The following TULP2 variants were observed in gnomAD, a reference collection of about 807,000 sequenced individuals.
TULP2 encodes the protein tubby-related protein 2.
Under a neutral mutation model 60.3 loss-of-function variants are expected in TULP2, and 64 were observed. That is an observed-to-expected ratio of 1.06 (90% CI 0.87 to 1.31). The LOEUF is 1.31. TULP2 is among the 50% of genes most tolerant of loss of function. TULP2 has a pLI of 0.00. For missense variants in TULP2, 652 were observed against 667.0 expected (o/e 0.98, Z 0.25); for synonymous variants, 267 against 265.4 (o/e 1.01, Z -0.06).
rs1347143407 is a variant in TULP2 at position 48,897,569 on chromosome 19, C to T, written c.33-173G>A. ...CCAGTTATAGGGCCCTTTCTCCTGG[C>T]ACTGGCCCACAGAAGCCGGGACCCA... On this transcript the variant is annotated intron_variant, in intron 2 of 12. Transcript: ENST00000221399. The surrounding 1 kb of genome is among the most constrained non-coding windows in gnomAD (Gnocchi z 4.0). The T allele has an allele frequency of 1.4e-6, 1 of 712,382 alleles. No individual in the cohort carries two copies. Among genetic ancestry groups the T allele is most frequent in the East Asian group, 2.7e-5 (1 of 36,958 alleles). 44.1% of individuals were successfully genotyped at this position (712,382 alleles called of 1,614,324 possible).
In TULP2 at chr19:48,892,519, G is replaced by C. The variant is rs149252614; in HGVS notation, c.514+2479C>G. On this transcript the variant is annotated intron_variant, in intron 6 of 12. Coordinates refer to ENST00000221399, the MANE Select transcript of TULP2 (RefSeq NM_003323.3). ...AACAGTTTTTCTTTTTTTTTTTGGG[G>C]GGGGGACGGAGTCTTGCTCTGTCAC... Among the ~76,000 whole-genome samples, 873 of 150,692 alleles carry C rather than the reference G, an allele frequency of 5.8e-3. 10 individuals are homozygous for C. Among genetic ancestry groups the C allele is most frequent in the African/African-American group, 0.021 (848 of 41,030 alleles).
intron 6 of TULP2, among the ~76,000 whole-genome samples, chr19:48,891,040 C>T (rs563707081): frequency 6.6e-6 from 1 of 151,918 alleles, no homozygotes; most frequent in South Asian, 2.1e-4. Context: ...TATGGCCGGG[C>T]ACGGTGGCTC....
At chr19:48,893,105 C>T (rs529860540) in intron 6 of TULP2, among the ~76,000 whole-genome samples, 1 of 152,148 alleles carries the variant, frequency 6.6e-6, no homozygotes, top group East Asian at 1.9e-4. Context: ...TGCATTAGCT[C>T]ACGCCTGTAA....
intron 6 of TULP2, among the ~76,000 whole-genome samples, chr19:48,894,037 T>C (rs555353601): frequency 8.6e-4 from 130 of 150,292 alleles, no homozygotes; most frequent in Non-Finnish European, 1.4e-3. Context: ...ACAGAACCAA[T>C]TTTTTTTTTC....
chr19:48,889,510 C>CT lies in TULP2; in HGVS notation c.635dup (p.Glu213GlyfsTer12), dbSNP rs760093197. On this transcript the variant is annotated frameshift_variant and splice_region_variant, in exon 7 of 13. Transcript: ENST00000221399. LOFTEE classifies it high-confidence loss of function. ...CCTGAGTGATTGTGCATTTTCCTAC[C>CT]TTTTGGAAGGCCAAGTTTTCATATA... 1 of 1,569,086 alleles carries CT rather than the reference C, an allele frequency of 6.4e-7. No individual in the cohort carries two copies. The highest frequency in any genetic ancestry group is 1.2e-5 in the South Asian group (1 of 86,674).
rs751884478 is a variant in TULP2 at position 48,883,866 on chromosome 19, A to G, written c.1177-14T>C. ...GACGTTGGGCTCCTGGGGGTATTAC[A>G]TTCCAGTTGGCCTGGTTCCTTCTTC... is the stretch of plus-strand genomic sequence containing the variant. On this transcript the variant is annotated splice_polypyrimidine_tract_variant and intron_variant, in intron 10 of 12. Transcript: ENST00000221399. The G allele has an allele frequency of 3.1e-6, 5 of 1,613,896 alleles. No individual in the cohort carries two copies. Among genetic ancestry groups the G allele is most frequent in the South Asian group, 1.1e-5 (1 of 91,074 alleles).
Position 48,883,971 on chromosome 19 carries a change from A to AT in TULP2, c.1136dup (p.Asn379LysfsTer15). On this transcript the variant is annotated frameshift_variant, in exon 10 of 13. Coordinates refer to ENST00000221399, the MANE Select transcript of TULP2 (RefSeq NM_003323.3). LOFTEE classifies it high-confidence loss of function. ...CCAGCTCCTGTCTGATCCGGGCAGT[A>AT]TTCCTGGTTAAATGCTCCCGGTCAG... is the stretch of plus-strand genomic sequence containing the variant. 1 of 1,614,166 alleles carries AT rather than the reference A, an allele frequency of 6.2e-7. No individual in the cohort carries two copies. The highest frequency in any genetic ancestry group is 1.1e-5 in the South Asian group (1 of 91,084).
Position 48,882,027 on chromosome 19 carries a change from C to T in TULP2, c.1447+5G>A. The T allele has an allele frequency of 1.2e-6, 2 of 1,614,200 alleles. No homozygotes were observed. Among genetic ancestry groups the T allele is most frequent in the South Asian group, 1.1e-5 (1 of 91,086 alleles). On this transcript the variant is annotated splice_donor_5th_base_variant and intron_variant, in intron 12 of 12. Transcript: ENST00000221399. ...GCCCGGCTAAACTGGTTTCCAGGAG[C>T]TCACGGTGTTTGGGATCCACGATTT...
intron 6 of TULP2, among the ~76,000 whole-genome samples, chr19:48,891,206 C>T (rs2037229640): frequency 1.3e-5 from 2 of 151,404 alleles, no homozygotes; most frequent in South Asian, 4.2e-4. Context: ...CGCCTGTAGT[C>T]CCAGCTACTT....
chr19:48,888,052 C>T lies in TULP2; in HGVS notation c.846G>A (p.Pro282=), dbSNP rs767536815. Residue 282 remains proline, a synonymous_variant, in exon 8 of 13, where the codon CCG becomes CCA. Coordinates refer to ENST00000221399, the MANE Select transcript of TULP2 (RefSeq NM_003323.3). The part of the protein sequence containing the change: ...MEAYVLRPAL[P]GTMMQCYLTR... Reference sequence around the variant, plus strand: ...TGAGGTAGCACTGCATCATGGTGCCCGGGAGCGCTGGCCGCAGCACGTAGG... The same window carrying T: ...TGAGGTAGCACTGCATCATGGTGCCTGGGAGCGCTGGCCGCAGCACGTAGG... 37 of 1,614,020 alleles carry T rather than the reference C, an allele frequency of 2.3e-5. No homozygotes were observed. Among genetic ancestry groups the T allele is most frequent in the Admixed American group, 5.0e-5 (3 of 59,996 alleles).
In TULP2 at chr19:48,888,006, C is replaced by G; in HGVS notation, c.892G>C (p.Asp298His). 6.2e-7 allele frequency: 1 copy of G among 1,614,164 alleles called. No individual in the cohort carries two copies. The highest frequency in any genetic ancestry group is 8.5e-7 in the Non-Finnish European group (1 of 1,180,026). Residue 298 changes from aspartate to histidine, a missense_variant, in exon 8 of 13, where the codon GAC becomes CAC. Coordinates refer to ENST00000221399, the MANE Select transcript of TULP2 (RefSeq NM_003323.3). ...TAGTAGAGGGGGAACAAGCCCTTGT[C>G]CACGCCGTGCTTGTCACGGGTGAGG... ...CYLTRDKHGV[D>H]KGLFPLYYLY...
At chr19:48,886,899 A>G (rs1304153451) in intron 8 of TULP2, among the ~76,000 whole-genome samples, 2 of 140,388 alleles carry the variant, frequency 1.4e-5, no homozygotes, top group Non-Finnish European at 3.0e-5. Flanking sequence ...TTTTTTGTAG[A>G]GACAGGGTTC....
intron 6 of TULP2, among the ~76,000 whole-genome samples, chr19:48,890,745 C>G (rs2037225309): frequency 6.6e-6 from 1 of 152,100 alleles, no homozygotes; most frequent in South Asian, 2.1e-4. Flanking sequence ...TTGCAACAAC[C>G]TCCTCCTCCT....
Position 48,897,266 on chromosome 19 carries a change from A to G in TULP2, c.84+79T>C, listed in dbSNP as rs887724578. On this transcript the variant is annotated intron_variant, in intron 3 of 12. Transcript: ENST00000221399. This position sits in a 1 kb window ranked among gnomAD's most constrained non-coding sequence, Gnocchi z 4.0. ...AGCCAACACGGGCTGGGAGTCCTAG[A>G]GCAAGACCTGGTGGAGAGGCCCCTG... is the stretch of plus-strand genomic sequence containing the variant. The G allele has an allele frequency of 5.3e-6, 8 of 1,501,496 alleles. No homozygotes were observed. Among genetic ancestry groups the G allele is most frequent in the Non-Finnish European group, 7.3e-6 (8 of 1,088,746 alleles). 93.0% of individuals were successfully genotyped at this position (1,501,496 alleles called of 1,614,324 possible). A position where few individuals can be genotyped will look rare whatever the true frequency, so the allele number is the denominator to read the frequency against.
chr19:48,889,731 C>A (rs950211653), intron 6 of TULP2, 100 bp from the exon 7 acceptor site: 3 of 1,074,638 alleles, frequency 2.8e-6, no homozygotes, highest in Non-Finnish European at 2.6e-6. Context: ...AAGACAAATT[C>A]TTCTGCCTTG....
chr19:48,882,067 G>A lies in TULP2; in HGVS notation c.1412C>T (p.Ser471Leu), dbSNP rs1452250370. The change falls in exon 12 of 13, where the codon TCG becomes TTG. Residue 471 changes from serine to leucine, a missense_variant. Coordinates refer to ENST00000221399, the MANE Select transcript of TULP2 (RefSeq NM_003323.3). ...LNFHGRVTRA[S>L]VKNFQIVDPK... ...ATCCACGATTTGGAAGTTCTTCACC[G>A]AAGCCCGAGTGACTCGACCATGGAA... 3 of 1,614,178 alleles carry A rather than the reference G, an allele frequency of 1.9e-6. No homozygotes were observed. The highest frequency in any genetic ancestry group is 2.5e-6 in the Non-Finnish European group (3 of 1,180,048).
At position 48,896,466 on chromosome 19, in the gene TULP2, A is replaced by G. The variant is rs1289590607; in HGVS notation, c.175T>C (p.Ser59Pro). 6.2e-7 allele frequency: 1 copy of G among 1,610,950 alleles called. No individual in the cohort carries two copies. Among genetic ancestry groups the G allele is most frequent in the Non-Finnish European group, 8.5e-7 (1 of 1,178,934 alleles). Residue 59 changes from serine (S) to proline (P), a missense_variant, in exon 4 of 13, where the codon TCT becomes CCT. Ser to Pro is a moderately conservative substitution (Grantham distance 74). Coordinates refer to ENST00000221399, the MANE Select transcript of TULP2 (RefSeq NM_003323.3). Reference sequence around the variant, plus strand: ...AAAAGGCGCTCCTCCCGCAGACAAGAGCGCCAAAGCCACGGGGAAGCGTCA... The same window carrying G: ...AAAAGGCGCTCCTCCCGCAGACAAGGGCGCCAAAGCCACGGGGAAGCGTCA... ...NPDASPWLWR[S>P]CLREERLLGD...
chr19:48,886,894 T>G (rs1333691528), intron 8 of TULP2, among the ~76,000 whole-genome samples: 3 of 151,046 alleles, frequency 2.0e-5, no homozygotes, highest in African/African-American at 4.9e-5. Flanking sequence ...TTTTTTTTTT[T>G]GTAGAGACAG....
At chr19:48,889,464 C>T (rs1271460051) in intron 7 of TULP2, 46 bp downstream of exon 7, 4 of 1,552,568 alleles carry the variant, frequency 2.6e-6, no homozygotes, top group Non-Finnish European at 1.8e-6. Context: ...AGGTCCGAGG[C>T]TAGCCCTCTT....
Sources: gnomAD v4.1 joint callset for allele counts (sites outside exome capture counted in the v4.1 genomes callset) on GRCh38, gnomAD v4.1.1 for gene constraint, Gnocchi (gnomAD v3.1) non-coding constraint, MANE v1.5 for transcripts, NCBI Gene and HGNC (gene_info 2026-07-23, HGNC 2026-07-21) for gene names.